The following WNK2 variants were observed in gnomAD, a reference collection of about 807,000 sequenced individuals.
The protein encoded by WNK2 is WNK lysine deficient protein kinase 2.
WNK2 carries 67 observed loss-of-function variants against 192.1 expected under a neutral mutation model. The observed-to-expected ratio is 0.35, with a 90% CI of 0.29 to 0.43. WNK2 has a LOEUF of 0.43. WNK2 is among the 20% of genes least tolerant of loss of function. WNK2 has a pLI of 1.00. For synonymous variants in WNK2, 1,439 were observed against 1,393.9 expected (o/e 1.03, Z -0.72); for missense variants, 2,698 against 3,089.7 (o/e 0.87, Z 3.01).
intron 18 of WNK2, 145 bp downstream of exon 18, chr9:93,268,210 T>C: frequency 1.8e-6 from 2 of 1,117,670 alleles, no homozygotes; most frequent in Non-Finnish European, 2.5e-6. Context: ...ACAGCTGCCC[T>C]GTCCGAGGAG....
chr9:93,286,363 G>A (rs1023087781), intron 19 of WNK2, among the ~76,000 whole-genome samples: 1 of 152,144 alleles, frequency 6.6e-6, no homozygotes, highest in Admixed American at 6.5e-5. Context: ...ACTTGAACAG[G>A]TGTGTCCTAA....
Position 93,211,652 on chromosome 9 carries a change from A to G in WNK2, c.682-18044A>G, listed in dbSNP as rs551052759. On this transcript the variant is annotated intron_variant, in intron 2 of 29. Transcript: ENST00000427277. Reference sequence around the variant, plus strand: ...CACCCACTCATCCACTCACCCACCCACTCATTCACTCACTCATTCACTCCT... The same window carrying G: ...CACCCACTCATCCACTCACCCACCCGCTCATTCACTCACTCATTCACTCCT... 9.6e-3 allele frequency among the ~76,000 whole-genome samples: 1,385 copies of G among 144,238 alleles called. 8 individuals carry two copies. The highest frequency in any genetic ancestry group is 0.02 in the South Asian group (92 of 4,714). 94.6% of individuals were successfully genotyped at this position (144,238 alleles called of 152,430 possible). A position where few individuals can be genotyped will look rare whatever the true frequency, so the allele number is the denominator to read the frequency against.
At position 93,185,543 on chromosome 9, in the gene WNK2, C is replaced by T; in HGVS notation, c.614C>T (p.Ser205Phe). 2 of 1,613,038 alleles carry T rather than the reference C, an allele frequency of 1.2e-6. No individual in the cohort carries two copies. The highest frequency in any genetic ancestry group is 1.7e-6 in the Non-Finnish European group (2 of 1,179,674). The change falls in exon 2 of 30, where the codon TCC (serine) becomes TTC (phenylalanine). Residue 205 changes from serine to phenylalanine, a missense_variant. Transcript: ENST00000427277. ...TTCGACATCGAGCTGGGCCGCGGTT[C>T]CTTCAAGACGGTCTACAAGGGGCTG... is the stretch of plus-strand genomic sequence containing the variant. Reference protein sequence around the residue: ...LKFDIELGRGSFKTVYKGLDT... With the variant: ...LKFDIELGRGFFKTVYKGLDT...
In WNK2 at chr9:93,317,500, C is replaced by T; in HGVS notation, c.6517-20C>T. The T allele has an allele frequency of 6.2e-7, 1 of 1,612,670 alleles. No homozygotes were observed. The highest frequency in any genetic ancestry group is 8.5e-7 in the Non-Finnish European group (1 of 1,179,426). ...TTGCAGCCACGTGTACCTTCCTCTT[C>T]TCGTCTCTGTGTTTTGTAGATGACC... On this transcript the variant is annotated intron_variant, in intron 28 of 29. Coordinates refer to ENST00000427277, the MANE Select transcript of WNK2 (RefSeq NM_006648.4).
In WNK2 at chr9:93,289,123, A is replaced by G. The variant is rs1848915220; in HGVS notation, c.4369A>G (p.Thr1457Ala). ...CCTCGTGGTGGGCCTAGCACCTTGC[A>G]CTCCAGCTCCAGAGGCTGCCTCAAC... ...QPLVVGLAPC[T>A]PAPEAASTRD... is the part of the protein sequence containing the mutation. The change falls in exon 20 of 30, where the codon ACT becomes GCT. Residue 1457 changes from threonine (T) to alanine (A), a missense_variant. By Grantham distance (58) the Thr-to-Ala change is moderately conservative. Coordinates refer to ENST00000427277, the MANE Select transcript of WNK2 (RefSeq NM_006648.4). The G allele has an allele frequency of 6.2e-7, 1 of 1,603,630 alleles. No homozygotes were observed. The highest frequency in any genetic ancestry group is 8.5e-7 in the Non-Finnish European group (1 of 1,174,482).
chr9:93,224,016 C>T (rs1294430112), intron 2 of WNK2, among the ~76,000 whole-genome samples: 1 of 152,224 alleles, frequency 6.6e-6, no homozygotes, highest in Non-Finnish European at 1.5e-5. Context: ...CACCTGGGGC[C>T]TCTGTCCTGG....
intron 2 of WNK2, among the ~76,000 whole-genome samples, chr9:93,200,351 C>G (rs917774599): frequency 1.3e-5 from 2 of 152,182 alleles, no homozygotes; most frequent in Non-Finnish European, 2.9e-5. Flanking sequence ...GTGATCTTTA[C>G]AGGAGGGAGA....
chr9:93,209,673 G>T (rs1416509723), intron 2 of WNK2, among the ~76,000 whole-genome samples: 2 of 152,230 alleles, frequency 1.3e-5, no homozygotes, highest in African/African-American at 2.4e-5. Flanking sequence ...CTGCAATGTG[G>T]TGGAAGGGGA....
chr9:93,262,657 G>C lies in WNK2; in HGVS notation c.3361-13G>C, dbSNP rs545090826. On this transcript the variant is annotated splice_polypyrimidine_tract_variant and intron_variant, in intron 13 of 29. Transcript: ENST00000427277. ...GCATGACCTGTTCTCTTTTCTCCGG[G>C]TGTTTATTTCAGGAGCAGGCCTCAC... is the stretch of plus-strand genomic sequence containing the variant. 3 of 1,612,700 alleles carry C rather than the reference G, an allele frequency of 1.9e-6. No homozygotes were observed. The highest frequency in any genetic ancestry group is 2.5e-6 in the Non-Finnish European group (3 of 1,179,880).
At chr9:93,318,833 A>AG (rs1855169952) in intron 29 of WNK2, 1 of 1,401,960 alleles carries the variant, frequency 7.1e-7, no homozygotes, top group Non-Finnish European at 9.2e-7. Flanking sequence ...CCTTGGTGGG[A>AG]GGGGAAGGCC....
chr9:93,292,474 T>G lies in WNK2; in HGVS notation c.5026-17T>G. On this transcript the variant is annotated splice_polypyrimidine_tract_variant and intron_variant, in intron 22 of 29. Coordinates refer to ENST00000427277, the MANE Select transcript of WNK2 (RefSeq NM_006648.4). ...GATGTTCACATGAAACCTCTTCATC[T>G]CCGCTTGTTTCCCAAGGATGTACCT... 1 of 1,607,998 alleles carries G rather than the reference T, an allele frequency of 6.2e-7. No homozygotes were observed. The highest frequency in any genetic ancestry group is 8.5e-7 in the Non-Finnish European group (1 of 1,175,954).
At chr9:93,267,618 G>T (rs1405648008) in intron 16 of WNK2, 128 bp from the exon 17 acceptor site, 8 of 1,121,418 alleles carry the variant, frequency 7.1e-6, no homozygotes, top group Non-Finnish European at 1.0e-5. Context: ...CCCTGTCTTG[G>T]GGACTGCACC....
chr9:93,279,511 C>T (rs552213555), intron 19 of WNK2, among the ~76,000 whole-genome samples: 4 of 152,188 alleles, frequency 2.6e-5, no homozygotes, highest in African/African-American at 4.8e-5. Context: ...CTAAATTGAC[C>T]GACAGAGCCA....
At position 93,262,001 on chromosome 9, in the gene WNK2, C is replaced by T; in HGVS notation, c.3254C>T (p.Thr1085Ile). The change falls in exon 13 of 30, where the codon ACC becomes ATC. Residue 1085 changes from threonine (T) to isoleucine (I), a missense_variant. Transcript: ENST00000427277. Reference sequence around the variant, plus strand: ...TCTGCCTCTGTGCAGAGTGTGCCCACCCAGACTGCCACACTTCTGCCACCA... The same window carrying T: ...TCTGCCTCTGTGCAGAGTGTGCCCATCCAGACTGCCACACTTCTGCCACCA... ...TVSASVQSVP[T>I]QTATLLPPAN... 1 of 1,611,870 alleles carries T rather than the reference C, an allele frequency of 6.2e-7. No individual in the cohort carries two copies. Among genetic ancestry groups the T allele is most frequent in the Non-Finnish European group, 8.5e-7 (1 of 1,179,508 alleles).
At chr9:93,270,368 C>A (rs930315652) in intron 19 of WNK2, among the ~76,000 whole-genome samples, 4 of 152,164 alleles carry the variant, frequency 2.6e-5, no homozygotes, top group African/African-American at 7.2e-5. Flanking sequence ...ATAAAATGAC[C>A]AAAGAGTTGG....
rs1253927839 is a variant in WNK2 at position 93,185,229 on chromosome 9, G to A, written c.300G>A (p.Ala100=). The A allele has an allele frequency of 8.4e-7, 1 of 1,197,216 alleles. No individual in the cohort carries two copies. The highest frequency in any genetic ancestry group is 1.0e-6 in the Non-Finnish European group (1 of 968,178). 74.2% of individuals were successfully genotyped at this position (1,197,216 alleles called of 1,614,324 possible). ...RGRPAAPAPA[A]LVAQPGAPGA... is the part of the protein sequence containing the mutation. ...GCCCCGCCGCCCCCGCGCCCGCAGC[G>A]CTGGTAGCGCAGCCGGGAGCCCCCG... The change falls in exon 2 of 30, where the codon GCG becomes GCA. Residue 100 remains alanine, a synonymous_variant. Coordinates refer to ENST00000427277, the MANE Select transcript of WNK2 (RefSeq NM_006648.4).
At chr9:93,320,294 T>C in intron 29 of WNK2, 73 bp from the exon 30 acceptor site, 1 of 1,362,624 alleles carries the variant, frequency 7.3e-7, no homozygotes, top group Non-Finnish European at 9.8e-7. Context: ...TGGGAGGGTG[T>C]CAGGGCCTGG....
chr9:93,186,552 C>T (rs1829372060), intron 2 of WNK2, among the ~76,000 whole-genome samples: 1 of 152,196 alleles, frequency 6.6e-6, no homozygotes, highest in African/African-American at 2.4e-5. Flanking sequence ...CTCTGTTGGC[C>T]TGTAAAGTTA....
At chr9:93,194,367 TAAG>T (rs1272689696) in intron 2 of WNK2, among the ~76,000 whole-genome samples, 2 of 151,910 alleles carry the variant, frequency 1.3e-5, no homozygotes, top group East Asian at 3.8e-4. Context: ...AACTCAACAA[TAAG>T]AAAACAATCA....
Sources: gnomAD v4.1 joint callset for allele counts (sites outside exome capture counted in the v4.1 genomes callset) on GRCh38, gnomAD v4.1.1 for gene constraint, MANE v1.5 for transcripts, NCBI Gene and HGNC (gene_info 2026-07-23, HGNC 2026-07-21) for gene names.